COQ9: variants seen among roughly 807,000 people sequenced by gnomAD.
The protein encoded by COQ9 is ubiquinone biosynthesis protein COQ9, mitochondrial.
In COQ9, 35 loss-of-function variants were observed where a neutral mutation model predicts 42.4. The observed-to-expected ratio is 0.83, with a 90% CI of 0.63 to 1.10. COQ9 has a LOEUF of 1.10. COQ9 is among the 50% of genes least tolerant of loss of function. COQ9 has a pLI of 0.00. For synonymous variants in COQ9, 155 were observed against 155.1 expected (o/e 1.00, Z 0.00); for missense variants, 406 against 414.6 (o/e 0.98, Z 0.18).
intron 4 of COQ9, 105 bp from the exon 5 acceptor site, chr16:57,456,826 C>T (rs1422840331): frequency 6.9e-6 from 9 of 1,298,078 alleles, no homozygotes; most frequent in African/African-American, 2.9e-5. Flanking sequence ...GTCAGGCCAG[C>T]GTCAGGAGCT....
In COQ9 at chr16:57,452,985, G is replaced by A. The variant is rs776365254; in HGVS notation, c.378+49G>A. ...CACCTAACCAAGATGAGCCAGGATG[G>A]AGTCACACCAGGCAGAGCGGGGGGC... On this transcript the variant is annotated intron_variant, in intron 3 of 8. Transcript: ENST00000262507. 5.0e-6 allele frequency: 8 copies of A among 1,611,762 alleles called. No homozygotes were observed. The South Asian group carries it at 8.8e-5, about 18-fold the overall frequency.
chr16:57,460,602 C>G lies in COQ9; in HGVS notation c.935C>G (p.Thr312Arg), dbSNP rs753034743. 6.2e-7 allele frequency: 1 copy of G among 1,614,018 alleles called. No individual in the cohort carries two copies. Among genetic ancestry groups the G allele is most frequent in the South Asian group, 1.1e-5 (1 of 91,082 alleles). The change falls in exon 9 of 9, where the codon ACA (threonine) becomes AGA (arginine). Residue 312 changes from threonine (T) to arginine (R), a missense_variant. Thr to Arg is a moderately conservative substitution (Grantham distance 71). Coordinates refer to ENST00000262507, the MANE Select transcript of COQ9 (RefSeq NM_020312.4). ...MGAAVTLKNL[T>R]GLNQRR ...TTCCCGTGTCAGCTCAAGAACTTGA[C>G]AGGTCTAAACCAGCGTCGGTGAGAG... is the stretch of plus-strand genomic sequence containing the variant.
At chr16:57,460,135 CCTCT>C (rs2030501532) in intron 8 of COQ9, 31 bp downstream of exon 8, 1 of 1,610,994 alleles carries the variant, frequency 6.2e-7, no homozygotes, top group African/African-American at 1.3e-5. Context: ...CCCTGCCCCT[CCTCT>C]CTCCCATTCC....
chr16:57,459,848 G>C, intron 7 of COQ9, 128 bp downstream of exon 7: 3 of 1,197,452 alleles, frequency 2.5e-6, no homozygotes, highest in Admixed American at 1.8e-5. Context: ...GGCCTGGCTG[G>C]TTCTTCCTCA....
intron 1 of COQ9, among the ~76,000 whole-genome samples, chr16:57,450,412 CAAAA>C (rs59815351): frequency 1.1e-5 from 1 of 92,454 alleles, no homozygotes; most frequent in Non-Finnish European, 2.2e-5. Flanking sequence ...GAGACTCTGA[CAAAA>C]AAAAAAAAAA....
At chr16:57,453,876 T>A (rs1029901379) in intron 3 of COQ9, 3 of 152,262 alleles carry the variant, frequency 2.0e-5, no homozygotes, top group African/African-American at 4.8e-5. Flanking sequence ...TAAATGTTTA[T>A]TGAGCAAATA....
intron 5 of COQ9, chr16:57,457,505 T>C: frequency 3.4e-6 from 1 of 295,678 alleles, no homozygotes; most frequent in East Asian, 8.9e-5. Context: ...TTTTAAAGCA[T>C]ATCACAGTAT....
chr16:57,447,528 G>T lies in COQ9; in HGVS notation c.23G>T (p.Gly8Val), dbSNP rs2030150096. MAAAAVS[G>V]ALGRAGWRLL... ...AAAATGGCGGCGGCGGCGGTATCTG[G>T]TGCGCTTGGCCGGGCGGGCTGGAGG... The change falls in exon 1 of 9, where the codon GGT becomes GTT. Residue 8 changes from glycine (G) to valine (V), a missense_variant. Coordinates refer to ENST00000262507, the MANE Select transcript of COQ9 (RefSeq NM_020312.4). 4 of 1,312,352 alleles carry T rather than the reference G, an allele frequency of 3.0e-6. No individual in the cohort carries two copies. The African/African-American group carries it at 4.6e-5, about 15-fold the overall frequency. 81.3% of individuals were successfully genotyped at this position (1,312,352 alleles called of 1,614,324 possible). A position where few individuals can be genotyped will look rare whatever the true frequency, so the allele number is the denominator to read the frequency against.
chr16:57,459,531 C>T, intron 6 of COQ9, 34 bp from the exon 7 acceptor site: 1 of 1,613,020 alleles, frequency 6.2e-7, no homozygotes, highest in South Asian at 1.1e-5. Flanking sequence ...CAGACTTGCA[C>T]CAGCCCACAG....
chr16:57,450,873 C>G, intron 1 of COQ9, 167 bp from the exon 2 acceptor site: 1 of 774,836 alleles, frequency 1.3e-6, no homozygotes, highest in Non-Finnish European at 2.2e-6. Flanking sequence ...ACTTCGTGTC[C>G]CAAAGTTCCC....
intron 2 of COQ9, 32 bp from the exon 3 acceptor site, chr16:57,452,769 G>A: frequency 6.2e-7 from 1 of 1,612,504 alleles, no homozygotes; most frequent in South Asian, 1.1e-5. Context: ...GCCAGGAGAT[G>A]AAGTATGCTG....
chr16:57,453,066 T>G, intron 3 of COQ9, 130 bp downstream of exon 3: 1 of 1,229,488 alleles, frequency 8.1e-7, no homozygotes, highest in Non-Finnish European at 1.2e-6. Context: ...GATTGACTGG[T>G]TTTTTTCCCC....
rs1422776527 is a variant in COQ9, at chr16:57,458,153, G to A, written c.607-93G>A. 7.7e-6 allele frequency: 7 copies of A among 914,560 alleles called. No individual in the cohort carries two copies. The Admixed American group carries it at 1.0e-4, about 13-fold the overall frequency. 56.7% of individuals were successfully genotyped at this position (914,560 alleles called of 1,614,324 possible). A position where few individuals can be genotyped will look rare whatever the true frequency, so the allele number is the denominator to read the frequency against. ...GTCTCAGAGAACCAGAGCTTGGCAG[G>A]CCCCCTCATACACCTCTTGGAGAGG... On this transcript the variant is annotated intron_variant, in intron 5 of 8. Coordinates refer to ENST00000262507, the MANE Select transcript of COQ9 (RefSeq NM_020312.4).
chr16:57,459,993 G>A (rs2030495523), intron 7 of COQ9, 58 bp from the exon 8 acceptor site: 16 of 1,548,992 alleles, frequency 1.0e-5, no homozygotes, highest in Non-Finnish European at 1.4e-5. Flanking sequence ...TGTCCTGCCT[G>A]TCTCAAGTTT....
At chr16:57,459,469 A>G (rs1373631559) in intron 6 of COQ9, 96 bp from the exon 7 acceptor site, 2 of 1,219,726 alleles carry the variant, frequency 1.6e-6, no homozygotes, top group South Asian at 1.2e-5. Flanking sequence ...ACAGTCAAGA[A>G]GTAGTCAAGA....
intron 2 of COQ9, 134 bp from the exon 3 acceptor site, chr16:57,452,667 C>A: frequency 8.9e-7 from 1 of 1,127,068 alleles, no homozygotes; most frequent in Non-Finnish European, 1.3e-6. Flanking sequence ...ACAAGAAAAC[C>A]ACATTGATAG....
Position 57,459,441 on chromosome 16 carries a change from G to C in COQ9, c.712-124G>C, listed in dbSNP as rs2030477964. On this transcript the variant is annotated intron_variant, in intron 6 of 8. Coordinates refer to ENST00000262507, the MANE Select transcript of COQ9 (RefSeq NM_020312.4). ...GTTTGAGATGGTAGTGTTGTCCAGA[G>C]GGCCAGATGTATCTGTGACAGTCAA... 6.4e-6 allele frequency: 6 copies of C among 930,718 alleles called. No homozygotes were observed. The South Asian group carries it at 8.1e-5, about 13-fold the overall frequency. 57.7% of individuals were successfully genotyped at this position (930,718 alleles called of 1,614,324 possible). A position where few individuals can be genotyped will look rare whatever the true frequency, so the allele number is the denominator to read the frequency against.
intron 1 of COQ9, among the ~76,000 whole-genome samples, chr16:57,448,344 C>CT (rs56261757): frequency 0.017 from 2,374 of 141,146 alleles, 46 homozygotes; most frequent in African/African-American, 0.048. Context: ...TCTTTTTTTT[C>CT]TTTTTTTTTT....
chr16:57,447,544 G>T lies in COQ9; in HGVS notation c.39G>T (p.Ala13=). Residue 13 remains alanine (A), a synonymous_variant, in exon 1 of 9, where the codon GCG becomes GCT. Coordinates refer to ENST00000262507, the MANE Select transcript of COQ9 (RefSeq NM_020312.4). ...CGGTATCTGGTGCGCTTGGCCGGGC[G>T]GGCTGGAGGCTCCTGCAGCTGCGAT... ...AAAVSGALGR[A]GWRLLQLRCL... is the part of the protein sequence containing the mutation. 7.6e-7 allele frequency: 1 copy of T among 1,307,512 alleles called. No homozygotes were observed. Among genetic ancestry groups the T allele is most frequent in the Non-Finnish European group, 9.8e-7 (1 of 1,022,372 alleles). The allele number at this position is 1,307,512 out of a possible 1,614,324, so 81.0% of individuals were successfully genotyped here. A position where few individuals can be genotyped will look rare whatever the true frequency, so the allele number is the denominator to read the frequency against.
Sources: gnomAD v4.1 joint callset for allele counts (sites outside exome capture counted in the v4.1 genomes callset) on GRCh38, gnomAD v4.1.1 for gene constraint, MANE v1.5 for transcripts, NCBI Gene and HGNC (gene_info 2026-07-23, HGNC 2026-07-21) for gene names.